The following HIVEP3 variants were observed in gnomAD, a reference collection of about 807,000 sequenced individuals.
HIVEP3 encodes the protein transcription factor HIVEP3.
HIVEP3 carries 49 observed loss-of-function variants against 152.8 expected under a neutral mutation model. That is an observed-to-expected ratio of 0.32 (90% CI 0.26 to 0.41). The LOEUF (loss-of-function observed/expected upper bound fraction) is 0.41. Ranked by LOEUF, HIVEP3 falls within the 10% of genes least tolerant of loss-of-function variation. HIVEP3 has a pLI of 1.00. For missense variants in HIVEP3, 2,790 were observed against 3,103.3 expected, an observed-to-expected ratio of 0.90 and a Z score of 2.40; for synonymous variants, 1,269 against 1,289.0, an observed-to-expected ratio of 0.98 and a Z score of 0.33.
intron 3 of HIVEP3, among the ~76,000 whole-genome samples, chr1:41,590,412 T>C (rs1479422643): frequency 1.3e-5 from 2 of 152,230 alleles, no homozygotes; most frequent in African/African-American, 4.8e-5. Context: ...CAATGATGTA[T>C]GCAACTTCTA....
At chr1:41,990,201 G>A (rs1225942603) in intron 1 of HIVEP3, among the ~76,000 whole-genome samples, 27 of 109,626 alleles carry the variant, frequency 2.5e-4, no homozygotes, top group African/African-American at 9.6e-4. Flanking sequence ...GGCTGGATAT[G>A]AAATTCTGGG....
intron 1 of HIVEP3, among the ~76,000 whole-genome samples, chr1:41,904,007 A>G (rs1644670194): frequency 6.6e-6 from 1 of 150,784 alleles, no homozygotes; most frequent in South Asian, 2.1e-4. Flanking sequence ...AGTGACTCTC[A>G]TGCCTCAGCC....
chr1:41,593,004 C>T (rs890768348), intron 3 of HIVEP3, among the ~76,000 whole-genome samples: 15 of 152,204 alleles, frequency 9.9e-5, no homozygotes, highest in Non-Finnish European at 2.2e-4. Flanking sequence ...TGTCATCAAT[C>T]CCCAAATCTG....
intron 2 of HIVEP3, among the ~76,000 whole-genome samples, chr1:41,642,171 C>T (rs1043499950): frequency 6.6e-6 from 1 of 152,190 alleles, no homozygotes; most frequent in South Asian, 2.1e-4. Context: ...TCCTGCCCAG[C>T]CCACCGATCC....
At chr1:41,995,078 G>T (rs572806990) in intron 1 of HIVEP3, among the ~76,000 whole-genome samples, 5 of 152,206 alleles carry the variant, frequency 3.3e-5, no homozygotes, top group South Asian at 4.2e-4. Context: ...AAGGGTGAGA[G>T]AATGGGCAGA....
At chr1:42,023,358 T>C (rs1557565829) in intron 1 of HIVEP3, among the ~76,000 whole-genome samples, 1 of 152,226 alleles carries the variant, frequency 6.6e-6, no homozygotes, top group Non-Finnish European at 1.5e-5. Flanking sequence ...AGCCCTTCCC[T>C]ACGCAGAGAT....
intron 1 of HIVEP3, among the ~76,000 whole-genome samples, chr1:41,789,675 T>C (rs1649572540): frequency 6.6e-6 from 1 of 152,198 alleles, no homozygotes; most frequent in Non-Finnish European, 1.5e-5. Context: ...TGTCATGAAT[T>C]GCCAAGATGG....
At chr1:41,599,236 T>C (rs749605697) in intron 3 of HIVEP3, among the ~76,000 whole-genome samples, 4 of 152,154 alleles carry the variant, frequency 2.6e-5, no homozygotes, top group Non-Finnish European at 5.9e-5. Context: ...CCCGATATCA[T>C]ACCATACACA....
intron 1 of HIVEP3, among the ~76,000 whole-genome samples, chr1:41,993,898 GAACAAAAAACCA>G (rs1645379073): frequency 6.6e-6 from 1 of 150,916 alleles, no homozygotes; most frequent in Non-Finnish European, 1.5e-5. Context: ...ACTATTGCAA[GAACAAAAAACCA>G]AACACCGCAT....
At chr1:41,757,267 C>T (rs1028919365) in intron 1 of HIVEP3, among the ~76,000 whole-genome samples, 1 of 151,944 alleles carries the variant, frequency 6.6e-6, no homozygotes, top group African/African-American at 2.4e-5. Flanking sequence ...AGGCGCCTGC[C>T]ACCATGCCCG....
chr1:41,582,229 C>T lies in HIVEP3; in HGVS notation c.2569G>A (p.Glu857Lys). The change falls in exon 4 of 9, where the codon GAG becomes AAG. Residue 857 changes from glutamate to lysine, a missense_variant. Glu to Lys is a moderately conservative substitution (Grantham distance 56). Transcript: ENST00000372583. The surrounding 1 kb of genome is among the most constrained non-coding windows in gnomAD (Gnocchi z 4.7). ...LVRQPNIQVP[E>K]ILVTEEPDRP... is the part of the protein sequence containing the mutation. ...TCAGGCTCCTCAGTTACTAGGATCT[C>T]AGGAACCTGAATGTTGGGCTGGCGG... 1 of 1,613,926 alleles carries T rather than the reference C, an allele frequency of 6.2e-7. No homozygotes were observed. Among genetic ancestry groups the T allele is most frequent in the Non-Finnish European group, 8.5e-7 (1 of 1,179,926 alleles).
At chr1:41,592,960 G>C (rs575107338) in intron 3 of HIVEP3, among the ~76,000 whole-genome samples, 7 of 152,172 alleles carry the variant, frequency 4.6e-5, no homozygotes, top group African/African-American at 1.7e-4. Flanking sequence ...ACCCTCTCTT[G>C]GGCTGTCACC....
intron 1 of HIVEP3, among the ~76,000 whole-genome samples, chr1:41,718,295 G>T (rs897245254): frequency 6.6e-6 from 1 of 152,354 alleles, no homozygotes; most frequent in Non-Finnish European, 1.5e-5. Context: ...ACAGGCTTAG[G>T]CCAGACAGAC....
rs1006542184 is a variant in HIVEP3 at position 41,671,925 on chromosome 1, T to C, written c.-721+28991A>G. Among the ~76,000 whole-genome samples the C allele has an allele frequency of 3.3e-5, 5 of 151,958 alleles. No individual in the cohort carries two copies. In the South Asian group the frequency reaches 1.0e-3, roughly 32 times the overall value. ...GAAACAGCTGAAAAGAATATGAAAG[T>C]TGGAGAATGGCCTGAAGGGAGGGAG... On this transcript the variant is annotated intron_variant, in intron 2 of 8. Transcript: ENST00000372583.
At chr1:41,999,612 C>T (rs547531811) in intron 1 of HIVEP3, among the ~76,000 whole-genome samples, 3 of 152,232 alleles carry the variant, frequency 2.0e-5, no homozygotes, top group Non-Finnish European at 4.4e-5. Context: ...AATTAAAGTG[C>T]TATGGGAACC....
At chr1:41,766,278 A>G (rs769861543) in intron 1 of HIVEP3, among the ~76,000 whole-genome samples, 5 of 152,186 alleles carry the variant, frequency 3.3e-5, no homozygotes, top group African/African-American at 4.8e-5. Flanking sequence ...GGTTTTCACA[A>G]CTAGAGGTTA....
intron 1 of HIVEP3, among the ~76,000 whole-genome samples, chr1:41,892,868 C>A (rs1557493207): frequency 6.6e-6 from 1 of 152,070 alleles, no homozygotes; most frequent in Admixed American, 6.5e-5. Flanking sequence ...GCCTGTAATC[C>A]CAGAACTTTG....
intron 5 of HIVEP3, among the ~76,000 whole-genome samples, chr1:41,555,680 CACATTGTTGTGCA>C (rs1363787436): frequency 6.6e-6 from 1 of 152,216 alleles, no homozygotes; most frequent in Non-Finnish European, 1.5e-5. Flanking sequence ...TAAGTACATT[CACATTGTTGTGCA>C]ACCATTACCA....
intron 2 of HIVEP3, among the ~76,000 whole-genome samples, chr1:41,661,185 A>G (rs558309111): frequency 2.6e-5 from 4 of 152,368 alleles, no homozygotes; most frequent in African/African-American, 9.6e-5. Flanking sequence ...GAGTCTGCCC[A>G]GAGTCACTAA....
Sources: gnomAD v4.1 joint callset for allele counts (sites outside exome capture counted in the v4.1 genomes callset) on GRCh38, gnomAD v4.1.1 for gene constraint, Gnocchi (gnomAD v3.1) non-coding constraint, MANE v1.5 for transcripts, NCBI Gene and HGNC (gene_info 2026-07-23, HGNC 2026-07-21) for gene names.